Variants in CACNA1B observed in about 807,000 individuals in gnomAD.
CACNA1B encodes calcium voltage-gated channel subunit alpha1 B.
A neutral mutation model predicts 247.2 loss-of-function variants in CACNA1B; 70 were observed. The ratio of observed to expected loss-of-function variants is 0.28; its 90% CI spans 0.23 to 0.35. The LOEUF is 0.35. Ranked by LOEUF, CACNA1B falls within the 10% of genes least tolerant of loss-of-function variation. The probability of loss-of-function intolerance (pLI) is 1.00; values close to 1 mark genes in which losing one functional copy is unlikely to be tolerated. For synonymous variants in CACNA1B, 1,231 were observed against 1,294.4 expected, an observed-to-expected ratio of 0.95 and a Z score of 1.05; for missense variants, 2,367 against 3,197.4, an observed-to-expected ratio of 0.74 and a Z score of 6.26.
In CACNA1B at chr9:138,073,983, C is replaced by A. The variant is rs557522151; in HGVS notation, c.4792-18C>A. Reference sequence around the variant, plus strand: ...TGGCTGGGAGGTGCCTGTAGCTGACCGGCCCCTGTCTCCGCAGGCCCTGCC... The same window carrying A: ...TGGCTGGGAGGTGCCTGTAGCTGACAGGCCCCTGTCTCCGCAGGCCCTGCC... On this transcript the variant is annotated intron_variant, in intron 33 of 46. Transcript: ENST00000371372. The surrounding 1 kb of genome is among the most constrained non-coding windows in gnomAD (Gnocchi z 6.4). 15 of 1,606,972 alleles carry A rather than the reference C, an allele frequency of 9.3e-6. No individual in the cohort carries two copies. Among genetic ancestry groups the A allele is most frequent in the African/African-American group, 8.0e-5 (6 of 74,980 alleles).
intron 31 of CACNA1B, among the ~76,000 whole-genome samples, chr9:138,061,358 C>T (rs979764621): frequency 1.1e-4 from 16 of 152,150 alleles, no homozygotes; most frequent in African/African-American, 3.6e-4. Context: ...GGAAGATGAG[C>T]GCAGAGTTCA....
rs79432711 is a variant in CACNA1B at position 137,975,897 on chromosome 9, C to T, written c.1544-10C>T. The stretch of plus-strand genomic sequence containing the variant: ...TCGAGCTAATCCCCCTCTTCTCCGG[C>T]TTCTCCTAGATTTTGCAGAGTTTGT... On this transcript the variant is annotated splice_polypyrimidine_tract_variant and intron_variant, in intron 11 of 46. Coordinates refer to ENST00000371372, the MANE Select transcript of CACNA1B (RefSeq NM_000718.4). The T allele has an allele frequency of 5.3e-5, 83 of 1,559,516 alleles. No individual in the cohort carries two copies. Among genetic ancestry groups the T allele is most frequent in the Non-Finnish European group, 7.2e-5 (81 of 1,131,472 alleles).
At chr9:138,029,049 T>G (rs939946247) in intron 20 of CACNA1B, among the ~76,000 whole-genome samples, 5 of 152,368 alleles carry the variant, frequency 3.3e-5, no homozygotes, top group Non-Finnish European at 7.3e-5. Flanking sequence ...GTTCCCCACA[T>G]TATTTTGTTA....
At chr9:138,005,811 A>G (rs1484159527) in intron 15 of CACNA1B, among the ~76,000 whole-genome samples, 1 of 152,180 alleles carries the variant, frequency 6.6e-6, no homozygotes, top group East Asian at 1.9e-4. Context: ...TGGGAGGCCG[A>G]GGTGGGCGGA....
At chr9:137,878,304 G>A in intron 1 of CACNA1B, 87 bp downstream of exon 1, 1 of 1,123,692 alleles carries the variant, frequency 8.9e-7, no homozygotes, top group Non-Finnish European at 1.1e-6. Flanking sequence ...GGCCGGGAGG[G>A]CGCGACCTGG....
intron 18 of CACNA1B, among the ~76,000 whole-genome samples, chr9:138,017,701 C>T (rs1446585944): frequency 6.6e-6 from 1 of 152,208 alleles, no homozygotes; most frequent in Non-Finnish European, 1.5e-5. Context: ...AGCTGTTGTC[C>T]ACTTGGGAAG....
intron 15 of CACNA1B, among the ~76,000 whole-genome samples, chr9:138,005,074 G>A (rs1958630378): frequency 6.6e-6 from 1 of 152,210 alleles, no homozygotes; most frequent in Non-Finnish European, 1.5e-5. Flanking sequence ...ACAGTATGGA[G>A]GCTCCTTAAG....
In CACNA1B at chr9:138,052,936, A is replaced by C. The variant is rs1959347675; in HGVS notation, c.3807+748A>C. Among the ~76,000 whole-genome samples the C allele has an allele frequency of 3.3e-5, 5 of 152,182 alleles. No homozygotes were observed. The highest frequency in any genetic ancestry group is 3.3e-4 in the Admixed American group (5 of 15,280). On this transcript the variant is annotated intron_variant, in intron 25 of 46. Transcript: ENST00000371372. This position sits in a 1 kb window ranked among gnomAD's most constrained non-coding sequence, Gnocchi z 5.1. ...GTGGCCCCACCTTCCCGTCACAGCT[A>C]GATCAGAGCAGCCTGTGAGGTGTCT...
At chr9:138,068,637 G>C (rs1564270378) in intron 31 of CACNA1B, 2 of 518,854 alleles carry the variant, frequency 3.9e-6, no homozygotes, top group Non-Finnish European at 3.8e-6. Context: ...ATCAAATACA[G>C]TGATGGAAAC....
At position 138,057,158 on chromosome 9, in the gene CACNA1B, C is replaced by T. The variant is rs367980383; in HGVS notation, c.3969-574C>T. On this transcript the variant is annotated intron_variant, in intron 26 of 46. Coordinates refer to ENST00000371372, the MANE Select transcript of CACNA1B (RefSeq NM_000718.4). This position sits in a 1 kb window ranked among gnomAD's most constrained non-coding sequence, Gnocchi z 4.0. ...TTCACCATGTTAGCCAGGATGGTCT[C>T]CATCTCCTGACCTCGTGATCCGCCC... Among the ~76,000 whole-genome samples the T allele has an allele frequency of 3.9e-5, 6 of 152,084 alleles. No individual in the cohort carries two copies. In the East Asian group the frequency reaches 7.8e-4, roughly 20 times the overall value.
In CACNA1B at chr9:137,884,630, G is replaced by A. The variant is rs184007991; in HGVS notation, c.530+1747G>A. 5.4e-3 allele frequency among the ~76,000 whole-genome samples: 808 copies of A among 150,506 alleles called. 7 individuals carry two copies. Among genetic ancestry groups the A allele is most frequent in the African/African-American group, 0.019 (773 of 40,868 alleles). ...CTCACTTGGAGTGGGCACCCAGGAG[G>A]GGCAGTGTGCCTCTGCTGAAGTAAT... On this transcript the variant is annotated intron_variant, in intron 3 of 46. Transcript: ENST00000371372.
At position 137,952,224 on chromosome 9, in the gene CACNA1B, G is replaced by A; in HGVS notation, c.967-50G>A. The A allele has an allele frequency of 6.8e-7, 1 of 1,471,920 alleles. No individual in the cohort carries two copies. The highest frequency in any genetic ancestry group is 1.1e-5 in the South Asian group (1 of 87,814). 91.2% of individuals were successfully genotyped at this position (1,471,920 alleles called of 1,614,324 possible). A position where few individuals can be genotyped will look rare whatever the true frequency, so the allele number is the denominator to read the frequency against. The stretch of plus-strand genomic sequence containing the variant: ...GGGGCTGGGGGTGCTCCTGTGGCCG[G>A]GACTGTGTTTTGTCCCTGTCCTTCC... On this transcript the variant is annotated intron_variant, in intron 6 of 46. Transcript: ENST00000371372. The surrounding 1 kb of genome is among the most constrained non-coding windows in gnomAD (Gnocchi z 4.8).
intron 37 of CACNA1B, chr9:138,101,021 T>C: frequency 2.2e-6 from 1 of 462,492 alleles, no homozygotes; most frequent in Non-Finnish European, 4.5e-6. Context: ...GCGAGGTCGG[T>C]CTTCCCATCA....
chr9:137,945,885 C>T (rs1377535324), intron 6 of CACNA1B, among the ~76,000 whole-genome samples: 3 of 152,172 alleles, frequency 2.0e-5, no homozygotes, highest in African/African-American at 7.2e-5. Context: ...GTGATGCCAT[C>T]ACAGCTCACT....
chr9:137,917,215 G>C lies in CACNA1B; in HGVS notation c.776-26G>C, dbSNP rs747175646. ...GAGAGCTTGGTATTTCTGAGCTCAG[G>C]GTCTGCTTCATTCTCCTTCTTGCAG... On this transcript the variant is annotated intron_variant, in intron 5 of 46. Coordinates refer to ENST00000371372, the MANE Select transcript of CACNA1B (RefSeq NM_000718.4). The surrounding 1 kb of genome is among the most constrained non-coding windows in gnomAD (Gnocchi z 5.5). 3.8e-6 allele frequency: 6 copies of C among 1,597,184 alleles called. No individual in the cohort carries two copies. Among genetic ancestry groups the C allele is most frequent in the South Asian group, 3.4e-5 (3 of 87,872 alleles).
Position 137,952,215 on chromosome 9 carries a change from C to T in CACNA1B, c.967-59C>T, listed in dbSNP as rs1365129494. ...GGCCTGTTGGGGGCTGGGGGTGCTC[C>T]TGTGGCCGGGACTGTGTTTTGTCCC... On this transcript the variant is annotated intron_variant, in intron 6 of 46. Coordinates refer to ENST00000371372, the MANE Select transcript of CACNA1B (RefSeq NM_000718.4). This position sits in a 1 kb window ranked among gnomAD's most constrained non-coding sequence, Gnocchi z 4.8. The T allele has an allele frequency of 2.2e-6, 3 of 1,390,500 alleles. No homozygotes were observed. The highest frequency in any genetic ancestry group is 3.1e-6 in the Non-Finnish European group (3 of 978,870). 86.1% of individuals were successfully genotyped at this position (1,390,500 alleles called of 1,614,324 possible). A position where few individuals can be genotyped will look rare whatever the true frequency, so the allele number is the denominator to read the frequency against.
Position 138,100,305 on chromosome 9 carries a change from G to A in CACNA1B, c.5223-2406G>A, listed in dbSNP as rs1961209994. ...GGCATTGAAATTGGTTGAACAAGTC[G>A]CTTTGATTTTGCGTTGTAGACAGTG... On this transcript the variant is annotated intron_variant, in intron 37 of 46. Coordinates refer to ENST00000371372, the MANE Select transcript of CACNA1B (RefSeq NM_000718.4). This position sits in a 1 kb window ranked among gnomAD's most constrained non-coding sequence, Gnocchi z 4.6. Among the ~76,000 whole-genome samples the A allele has an allele frequency of 6.6e-6, 1 of 152,142 alleles. No individual in the cohort carries two copies. The highest frequency in any genetic ancestry group is 6.5e-5 in the Admixed American group (1 of 15,282).
chr9:137,980,290 CTGTGTTCCTGTT>C (rs1289677386), intron 12 of CACNA1B, among the ~76,000 whole-genome samples: 3 of 152,154 alleles, frequency 2.0e-5, no homozygotes, highest in African/African-American at 7.2e-5. Context: ...CCTTTTCTGT[CTGTGTTCCTGTT>C]GAAATGCTAA....
intron 20 of CACNA1B, among the ~76,000 whole-genome samples, chr9:138,036,641 A>AT (rs1270143366): frequency 6.6e-6 from 1 of 151,946 alleles, no homozygotes; most frequent in Non-Finnish European, 1.5e-5. Flanking sequence ...ATTCGTCTAA[A>AT]TTTTTTTTCC....
Sources: gnomAD v4.1 joint callset for allele counts (sites outside exome capture counted in the v4.1 genomes callset) on GRCh38, gnomAD v4.1.1 for gene constraint, Gnocchi (gnomAD v3.1) non-coding constraint, MANE v1.5 for transcripts, NCBI Gene and HGNC (gene_info 2026-07-23, HGNC 2026-07-21) for gene names.